Variants in JAKMIP1 observed in about 807,000 individuals in gnomAD.
JAKMIP1 encodes the protein janus kinase and microtubule-interacting protein 1.
A neutral mutation model predicts 113.0 loss-of-function variants in JAKMIP1; 33 were observed. The ratio of observed to expected loss-of-function variants is 0.29; its 90% CI spans 0.22 to 0.39. The LOEUF is 0.39. JAKMIP1 is among the 10% of genes least tolerant of loss of function. JAKMIP1 has a pLI of 1.00. For synonymous variants in JAKMIP1, 480 were observed against 459.9 expected (o/e 1.04, Z -0.56); for missense variants, 813 against 1,080.5 (o/e 0.75, Z 3.47).
chr4:6,159,603 C>T (rs931050883), intron 1 of JAKMIP1, among the ~76,000 whole-genome samples: 1 of 152,152 alleles, frequency 6.6e-6, no homozygotes, highest in Admixed American at 6.5e-5. Flanking sequence ...GTTCAGCCTG[C>T]CTGGTAACTA....
chr4:6,141,510 C>G lies in JAKMIP1; in HGVS notation c.-147-28513G>C, dbSNP rs543894290. Among the ~76,000 whole-genome samples, 6 of 152,254 alleles carry G rather than the reference C, an allele frequency of 3.9e-5. No individual in the cohort carries two copies. Among genetic ancestry groups the G allele is most frequent in the Admixed American group, 2.0e-4 (3 of 15,296 alleles). On this transcript the variant is annotated intron_variant, in intron 1 of 20. Coordinates refer to ENST00000409021, the MANE Select transcript of JAKMIP1 (RefSeq NM_001099433.2). The surrounding 1 kb of genome is among the most constrained non-coding windows in gnomAD (Gnocchi z 9.4). ...AACAAAGTGGTAGATGAAACCCTTC[C>G]TGGGTTGCTGCTTTACAAAACAAAT...
chr4:6,045,842 C>T (rs1375953992), intron 16 of JAKMIP1, among the ~76,000 whole-genome samples: 3 of 152,088 alleles, frequency 2.0e-5, no homozygotes, highest in African/African-American at 7.2e-5. Flanking sequence ...TGCACTCCAG[C>T]CTGGGTGACA....
chr4:6,151,081 G>A (rs1216341401), intron 1 of JAKMIP1, among the ~76,000 whole-genome samples: 1 of 152,140 alleles, frequency 6.6e-6, no homozygotes, highest in Non-Finnish European at 1.5e-5. Context: ...TCTCCAGGCT[G>A]TGGCCCAAGT....
rs1719818598 is a variant in JAKMIP1 at position 6,139,687 on chromosome 4, AC to A, written c.-147-26691del. 6.6e-6 allele frequency among the ~76,000 whole-genome samples: 1 copy of A among 152,046 alleles called. No homozygotes were observed. Among genetic ancestry groups the A allele is most frequent in the African/African-American group, 2.4e-5 (1 of 41,332 alleles). ...AGGCTGAGGCAGGAGAATCGCCTGA[AC>A]CCAGGAGGCGGAGGTTGCAGTGAGC... On this transcript the variant is annotated intron_variant, in intron 1 of 20. Coordinates refer to ENST00000409021, the MANE Select transcript of JAKMIP1 (RefSeq NM_001099433.2). This position sits in a 1 kb window ranked among gnomAD's most constrained non-coding sequence, Gnocchi z 5.2.
In JAKMIP1 at chr4:6,089,516, A is replaced by C. The variant is rs1421886688; in HGVS notation, c.625-3887T>G. On this transcript the variant is annotated intron_variant, in intron 3 of 20. Transcript: ENST00000409021. This position sits in a 1 kb window ranked among gnomAD's most constrained non-coding sequence, Gnocchi z 5.3. ...AGTTACACACAAACTTGAGGCCCAG[A>C]AAGGGGAATGTGCTAACACTCTAGT... 1.3e-5 allele frequency among the ~76,000 whole-genome samples: 2 copies of C among 152,154 alleles called. No individual in the cohort carries two copies. The highest frequency in any genetic ancestry group is 2.9e-5 in the Non-Finnish European group (2 of 68,032).
At chr4:6,090,605 C>T (rs1437561346) in intron 3 of JAKMIP1, among the ~76,000 whole-genome samples, 2 of 152,204 alleles carry the variant, frequency 1.3e-5, no homozygotes, top group Non-Finnish European at 2.9e-5. Context: ...ATCACTGTCC[C>T]ATGTTGACCA....
At position 6,168,090 on chromosome 4, in the gene JAKMIP1, C is replaced by T. The variant is rs73198097; in HGVS notation, c.-148+32163G>A. 0.014 allele frequency among the ~76,000 whole-genome samples: 2,140 copies of T among 152,302 alleles called. 37 individuals are homozygous for T. The highest frequency in any genetic ancestry group is 0.034 in the Middle Eastern group (10 of 294). ...AATACCAATCAAAACCGCAGTGAGA[C>T]GGCACCACACACCACCCAGGACGGC... On this transcript the variant is annotated intron_variant, in intron 1 of 20. Coordinates refer to ENST00000409021, the MANE Select transcript of JAKMIP1 (RefSeq NM_001099433.2). This position sits in a 1 kb window ranked among gnomAD's most constrained non-coding sequence, Gnocchi z 4.6.
chr4:6,195,687 C>T (rs1233717587), intron 1 of JAKMIP1, among the ~76,000 whole-genome samples: 3 of 152,170 alleles, frequency 2.0e-5, no homozygotes, highest in Admixed American at 6.5e-5. Context: ...CCCCTCTATG[C>T]GCATCTATAA....
chr4:6,061,047 G>A lies in JAKMIP1; in HGVS notation c.1561-540C>T, dbSNP rs1409506202. On this transcript the variant is annotated intron_variant, in intron 10 of 20. Coordinates refer to ENST00000409021, the MANE Select transcript of JAKMIP1 (RefSeq NM_001099433.2). The surrounding 1 kb of genome is among the most constrained non-coding windows in gnomAD (Gnocchi z 5.3). Reference sequence around the variant, plus strand: ...GTGTGGGGTAACAGGGAGTGGTGGGGACTGTGGCAAGCCAGAGGCACACGT... The same window carrying A: ...GTGTGGGGTAACAGGGAGTGGTGGGAACTGTGGCAAGCCAGAGGCACACGT... Among the ~76,000 whole-genome samples, 1 of 152,202 alleles carries A rather than the reference G, an allele frequency of 6.6e-6. No individual in the cohort carries two copies. The highest frequency in any genetic ancestry group is 1.5e-5 in the Non-Finnish European group (1 of 68,040).
rs566275237 is a variant in JAKMIP1, at chr4:6,162,350, C to G, written c.-148+37903G>C. On this transcript the variant is annotated intron_variant, in intron 1 of 20. Coordinates refer to ENST00000409021, the MANE Select transcript of JAKMIP1 (RefSeq NM_001099433.2). The surrounding 1 kb of genome is among the most constrained non-coding windows in gnomAD (Gnocchi z 5.6). ...CTTGCATCTGTGCAGCTAAGGCAGC[C>G]AGAGCCTGGGAAACTCTCGGCACCC... Among the ~76,000 whole-genome samples, 1 of 152,300 alleles carries G rather than the reference C, an allele frequency of 6.6e-6. No homozygotes were observed. Among genetic ancestry groups the G allele is most frequent in the East Asian group, 1.9e-4 (1 of 5,168 alleles).
At chr4:6,063,398 A>G (rs1399311345) in intron 9 of JAKMIP1, among the ~76,000 whole-genome samples, 1 of 152,190 alleles carries the variant, frequency 6.6e-6, no homozygotes, top group Non-Finnish European at 1.5e-5. Flanking sequence ...TTAAACATAA[A>G]AGGCCCATGG....
chr4:6,106,007 T>TCAGGGA lies in JAKMIP1; in HGVS notation c.130-41_130-40insTCCCTG. On this transcript the variant is annotated intron_variant, in intron 2 of 20. Transcript: ENST00000409021. This position sits in a 1 kb window ranked among gnomAD's most constrained non-coding sequence, Gnocchi z 5.9. Reference sequence around the variant, plus strand: ...GCGAGAGAGCCGGTCAGGGTCAGGGTCAGGGTCAGGGTCAGGGTCAGGGTC... The same window carrying TCAGGGA: ...GCGAGAGAGCCGGTCAGGGTCAGGGTCAGGGACAGGGTCAGGGTCAGGGTCAGGGTC... 1.7e-6 allele frequency: 2 copies of TCAGGGA among 1,191,170 alleles called. No homozygotes were observed. The highest frequency in any genetic ancestry group is 2.3e-6 in the Non-Finnish European group (2 of 851,488). 73.8% of individuals were successfully genotyped at this position (1,191,170 alleles called of 1,614,324 possible). A position where few individuals can be genotyped will look rare whatever the true frequency, so the allele number is the denominator to read the frequency against.
chr4:6,033,660 T>C (rs1159747541), intron 19 of JAKMIP1, among the ~76,000 whole-genome samples: 1 of 152,208 alleles, frequency 6.6e-6, no homozygotes, highest in Non-Finnish European at 1.5e-5. Context: ...AATAAAAACC[T>C]GTCTGACCCG....
At chr4:6,177,236 G>A (rs1449268232) in intron 1 of JAKMIP1, among the ~76,000 whole-genome samples, 1 of 152,184 alleles carries the variant, frequency 6.6e-6, no homozygotes. Flanking sequence ...GAGCTCCAAA[G>A]TTGGAGAGGA....
chr4:6,101,976 A>G (rs538740856), intron 3 of JAKMIP1, among the ~76,000 whole-genome samples: 5 of 152,042 alleles, frequency 3.3e-5, no homozygotes, highest in African/African-American at 9.6e-5. Flanking sequence ...TCAATCATGG[A>G]AAAACTGATA....
chr4:6,045,135 C>G (rs1181590053), intron 16 of JAKMIP1, among the ~76,000 whole-genome samples: 1 of 152,266 alleles, frequency 6.6e-6, no homozygotes, highest in Non-Finnish European at 1.5e-5. Flanking sequence ...AAGGCTTCGA[C>G]TCACGGCCAA....
intron 16 of JAKMIP1, among the ~76,000 whole-genome samples, chr4:6,045,615 G>A (rs932407215): frequency 6.6e-6 from 1 of 152,238 alleles, no homozygotes; most frequent in Non-Finnish European, 1.5e-5. Flanking sequence ...TCTCATACCT[G>A]TAATCCCAGC....
chr4:6,112,775 G>A lies in JAKMIP1; in HGVS notation c.76C>T (p.Leu26=). The part of the protein sequence containing the change: ...TDAVQMANEE[L]RAKLTSIQIE... ...TGAATGCTGGTCAGCTTGGCCCGCA[G>A]CTCCTCGTTGGCCATCTGCACCGCG... is the stretch of plus-strand genomic sequence containing the variant. Residue 26 remains leucine (L), a synonymous_variant, in exon 2 of 21, where the codon CTG becomes TTG. Transcript: ENST00000409021. 5.0e-6 allele frequency: 8 copies of A among 1,614,082 alleles called. No individual in the cohort carries two copies. The highest frequency in any genetic ancestry group is 1.6e-4 in the Middle Eastern group (1 of 6,062).
chr4:6,117,154 C>T (rs1715910036), intron 1 of JAKMIP1, among the ~76,000 whole-genome samples: 1 of 152,202 alleles, frequency 6.6e-6, no homozygotes, highest in Admixed American at 6.5e-5. Context: ...GCTGGGAAGC[C>T]ATTAGCAGGG....
Sources: gnomAD v4.1 joint callset for allele counts (sites outside exome capture counted in the v4.1 genomes callset) on GRCh38, gnomAD v4.1.1 for gene constraint, Gnocchi (gnomAD v3.1) non-coding constraint, MANE v1.5 for transcripts, NCBI Gene and HGNC (gene_info 2026-07-23, HGNC 2026-07-21) for gene names.